The following EHMT1 variants were observed in gnomAD, a reference collection of about 807,000 sequenced individuals.
EHMT1 encodes histone-lysine N-methyltransferase EHMT1.
In EHMT1, 15 loss-of-function variants were observed where a neutral mutation model predicts 147.2. The ratio of observed to expected loss-of-function variants is 0.10; its 90% confidence interval spans 0.07 to 0.16. The LOEUF (loss-of-function observed/expected upper bound fraction) is 0.16, where lower values mean the gene tolerates loss of function less well. Among genes scored for constraint, EHMT1 ranks in the 10% least tolerant of loss-of-function variants. The pLI, the probability that EHMT1 is intolerant of heterozygous loss-of-function variation, is 1.00. For synonymous variants in EHMT1, 795 were observed against 709.6 expected (o/e 1.12, Z -1.91); for missense variants, 1,587 against 1,772.4 (o/e 0.90, Z 1.88).
intron 10 of EHMT1, among the ~76,000 whole-genome samples, chr9:137,774,772 C>T (rs1271753976): frequency 3.4e-5 from 5 of 148,944 alleles, no homozygotes; most frequent in African/African-American, 5.0e-5. Context: ...CGCGTCTGGC[C>T]CCCTGGATCT....
chr9:137,833,102 T>G (rs1203103076), intron 25 of EHMT1, among the ~76,000 whole-genome samples: 1 of 152,252 alleles, frequency 6.6e-6, no homozygotes, highest in Non-Finnish European at 1.5e-5. Context: ...AGAGCTGCTC[T>G]CGTCCACGCC....
At chr9:137,650,670 T>C (rs1442677156) in intron 1 of EHMT1, among the ~76,000 whole-genome samples, 1 of 148,884 alleles carries the variant, frequency 6.7e-6, no homozygotes, top group African/African-American at 2.5e-5. Context: ...CCCCCGCTTT[T>C]TTTTTTTTTT....
intron 10 of EHMT1, among the ~76,000 whole-genome samples, chr9:137,773,663 C>G (rs1156350143): frequency 6.6e-6 from 1 of 152,164 alleles, no homozygotes; most frequent in Non-Finnish European, 1.5e-5. Flanking sequence ...ATTCATGTCT[C>G]CAAGTTGCTT....
intron 1 of EHMT1, among the ~76,000 whole-genome samples, chr9:137,691,500 G>T (rs1324057815): frequency 6.6e-6 from 1 of 151,902 alleles, no homozygotes; most frequent in Non-Finnish European, 1.5e-5. Flanking sequence ...TGTATGAATG[G>T]ACTACATTTT....
chr9:137,715,003 T>C (rs1251057892), intron 2 of EHMT1, among the ~76,000 whole-genome samples: 1 of 152,246 alleles, frequency 6.6e-6, no homozygotes, highest in Non-Finnish European at 1.5e-5. Context: ...CTTCTGTGAA[T>C]GATACTTTTT....
chr9:137,704,179 A>T (rs1252547941), intron 1 of EHMT1, among the ~76,000 whole-genome samples: 1 of 152,126 alleles, frequency 6.6e-6, no homozygotes, highest in East Asian at 1.9e-4. Context: ...CTCCCCCAAT[A>T]TTCGGGATTA....
intron 10 of EHMT1, among the ~76,000 whole-genome samples, chr9:137,765,984 A>C (rs1950191890): frequency 6.6e-6 from 1 of 152,112 alleles, no homozygotes; most frequent in African/African-American, 2.4e-5. Context: ...AAACCTGCCA[A>C]GGCCGGGTGC....
chr9:137,809,661 C>G (rs780010103), intron 18 of EHMT1, among the ~76,000 whole-genome samples: 1 of 152,268 alleles, frequency 6.6e-6, no homozygotes, highest in Non-Finnish European at 1.5e-5. Flanking sequence ...ACGTGAAACG[C>G]TCACGTGCTT....
chr9:137,667,815 G>A (rs1253567385), intron 1 of EHMT1, among the ~76,000 whole-genome samples: 1 of 152,184 alleles, frequency 6.6e-6, no homozygotes, highest in Non-Finnish European at 1.5e-5. Flanking sequence ...TATCACACGG[G>A]TCTGGCCTTT....
chr9:137,793,421 G>A (rs761304588), intron 16 of EHMT1, among the ~76,000 whole-genome samples: 1 of 152,202 alleles, frequency 6.6e-6, no homozygotes, highest in Admixed American at 6.5e-5. Flanking sequence ...GGCAATATCG[G>A]AACTCTCACG....
rs761061204 is a variant in EHMT1 at position 137,813,074 on chromosome 9, C to T, written c.2936C>T (p.Ala979Val). The T allele has an allele frequency of 1.8e-5, 29 of 1,613,724 alleles. No individual in the cohort carries two copies. The highest frequency in any genetic ancestry group is 6.6e-5 in the South Asian group (6 of 91,088). ...NKEGETPLQC[A>V]SLNSQVWSAL... ...GAAGGAGAGACGCCCCTGCAGTGTG[C>T]GAGCCTCAACTCTCAGGTGTGGAGC... Residue 979 changes from alanine to valine, a missense_variant, in exon 20 of 27, where the codon GCG becomes GTG. By Grantham distance (64) the Ala-to-Val change is moderately conservative. Transcript: ENST00000460843. This position sits in a 1 kb window ranked among gnomAD's most constrained non-coding sequence, Gnocchi z 4.9.
chr9:137,796,683 G>A lies in EHMT1; in HGVS notation c.2506-2130G>A, dbSNP rs192838153. On this transcript the variant is annotated intron_variant, in intron 16 of 26. Coordinates refer to ENST00000460843, the MANE Select transcript of EHMT1 (RefSeq NM_024757.5). ...CGCACCGCTGCACTCCAGCCTGGGC[G>A]ACAGAGCCAGACTCCATCTCAAAAA... 6.7e-5 allele frequency among the ~76,000 whole-genome samples: 8 copies of A among 118,868 alleles called. No homozygotes were observed. The East Asian group carries it at 1.5e-3, about 23-fold the overall frequency. The allele number at this position is 118,868 out of a possible 152,430, so 78.0% of individuals were successfully genotyped here.
intron 1 of EHMT1, among the ~76,000 whole-genome samples, chr9:137,645,106 CAA>C (rs1844791524): frequency 6.6e-6 from 1 of 152,174 alleles, no homozygotes; most frequent in African/African-American, 2.4e-5. Context: ...CTCCTGGCCT[CAA>C]ATGATCCGCC....
At chr9:137,635,364 G>A (rs1047232175) in intron 1 of EHMT1, among the ~76,000 whole-genome samples, 7 of 150,988 alleles carry the variant, frequency 4.6e-5, no homozygotes, top group African/African-American at 7.3e-5. Flanking sequence ...CCATCGCCAC[G>A]CCCAGCTAAT....
At chr9:137,802,922 G>A in intron 18 of EHMT1, 1 of 1,232,762 alleles carries the variant, frequency 8.1e-7, no homozygotes, top group Non-Finnish European at 1.0e-6. Flanking sequence ...AAGCAGAGGA[G>A]CCCTGAGCTG....
intron 3 of EHMT1, among the ~76,000 whole-genome samples, chr9:137,718,733 G>C (rs1945608335): frequency 6.7e-6 from 1 of 150,000 alleles, no homozygotes; most frequent in African/African-American, 2.5e-5. Flanking sequence ...TCTCTGATTA[G>C]TTCTCTCTCT....
intron 18 of EHMT1, among the ~76,000 whole-genome samples, chr9:137,810,750 GT>G (rs1954407862): frequency 6.6e-6 from 1 of 151,536 alleles, no homozygotes; most frequent in African/African-American, 2.4e-5. Flanking sequence ...CTAGGCTGGA[GT>G]GCAGTGGCAC....
chr9:137,768,725 A>G (rs1391907716), intron 10 of EHMT1, among the ~76,000 whole-genome samples: 7 of 149,348 alleles, frequency 4.7e-5, no homozygotes, highest in African/African-American at 1.7e-4. Flanking sequence ...AATTTTTTGT[A>G]TTTTTAGTAG....
chr9:137,706,617 G>T (rs1429362067), intron 1 of EHMT1, among the ~76,000 whole-genome samples: 1 of 152,078 alleles, frequency 6.6e-6, no homozygotes, highest in Non-Finnish European at 1.5e-5. Flanking sequence ...CTCCTGAGTA[G>T]CTGGGATTAC....
Sources: gnomAD v4.1 joint callset for allele counts (sites outside exome capture counted in the v4.1 genomes callset) on GRCh38, gnomAD v4.1.1 for gene constraint, Gnocchi (gnomAD v3.1) non-coding constraint, MANE v1.5 for transcripts, NCBI Gene and HGNC (gene_info 2026-07-23, HGNC 2026-07-21) for gene names.